The following REDIC1 variants were observed in gnomAD, a reference collection of about 807,000 sequenced individuals.
The protein encoded by REDIC1 is HEI10 Interacting Protein 1.
the REDIC1 span, among the ~76,000 whole-genome samples, chr12:39,901,328 A>C: frequency 6.6e-6 from 1 of 152,014 alleles, no homozygotes; most frequent in African/African-American, 2.4e-5. Flanking sequence ...AACAAAAGCC[A>C]AAATTGACAA....
the REDIC1 span, among the ~76,000 whole-genome samples, chr12:39,655,771 A>T: frequency 6.6e-6 from 1 of 152,164 alleles, no homozygotes; most frequent in Admixed American, 6.5e-5. Context: ...GCTCCAGGCT[A>T]TAACTGTATG....
the REDIC1 span, chr12:39,764,815 C>T: frequency 1.7e-5 from 28 of 1,612,370 alleles, no homozygotes; most frequent in Middle Eastern, 6.6e-4. Flanking sequence ...AAATTGTAAG[C>T]CCAAAATATA....
chr12:39,898,081 C>G, the REDIC1 span, among the ~76,000 whole-genome samples: 1 of 150,268 alleles, frequency 6.7e-6, no homozygotes, highest in African/African-American at 2.5e-5. Flanking sequence ...GCAAACAATC[C>G]GTTGTTGGGA....
At chr12:39,711,243 G>A in the REDIC1 span, among the ~76,000 whole-genome samples, 2 of 149,142 alleles carry the variant, frequency 1.3e-5, no homozygotes, top group Non-Finnish European at 3.0e-5. Flanking sequence ...ATATATATGT[G>A]ATGTGTATAT....
At chr12:39,837,509 G>T in the REDIC1 span, among the ~76,000 whole-genome samples, 1,350 of 139,938 alleles carry the variant, frequency 9.6e-3, 19 homozygotes, top group African/African-American at 0.033. Context: ...TTAAACTAAA[G>T]AGCTTCTGCA....
the REDIC1 span, among the ~76,000 whole-genome samples, chr12:39,711,409 G>A: frequency 1.4e-5 from 2 of 138,202 alleles, no homozygotes; most frequent in Admixed American, 7.3e-5. Context: ...ACACATAGAT[G>A]TATATATGTA....
At chr12:39,675,664 A>G in the REDIC1 span, among the ~76,000 whole-genome samples, 174 of 152,350 alleles carry the variant, frequency 1.1e-3, no homozygotes, top group African/African-American at 4.1e-3. Context: ...AAACCAGTGC[A>G]TTAAAAACTA....
chr12:39,880,714 C>A, the REDIC1 span, among the ~76,000 whole-genome samples: 1 of 152,128 alleles, frequency 6.6e-6, no homozygotes, highest in African/African-American at 2.4e-5. Context: ...GCCAATGTTG[C>A]CAATGTGACC....
the REDIC1 span, among the ~76,000 whole-genome samples, chr12:39,751,876 G>C: frequency 3.0e-4 from 46 of 152,206 alleles, 1 homozygote; most frequent in East Asian, 8.7e-3. Flanking sequence ...CACAGGAAGG[G>C]GAACATCACA....
chr12:39,678,202 A>C, the REDIC1 span, among the ~76,000 whole-genome samples: 1 of 152,032 alleles, frequency 6.6e-6, no homozygotes, highest in Non-Finnish European at 1.5e-5. Flanking sequence ...TAGCAAGATT[A>C]ACAAAGAATA....
the REDIC1 span, among the ~76,000 whole-genome samples, chr12:39,825,575 A>C: frequency 3.3e-5 from 5 of 152,116 alleles, no homozygotes. Flanking sequence ...TTTTTTCTTG[A>C]AAACTGTCCA....
chr12:39,905,089 A>T, the REDIC1 span, among the ~76,000 whole-genome samples: 1 of 152,154 alleles, frequency 6.6e-6, no homozygotes, highest in Admixed American at 6.6e-5. Context: ...ACAGAATGAG[A>T]CTTCTGTTCA....
the REDIC1 span, among the ~76,000 whole-genome samples, chr12:39,691,680 C>G: frequency 6.6e-6 from 1 of 152,020 alleles, no homozygotes; most frequent in Non-Finnish European, 1.5e-5. Context: ...TTTAAAAAAC[C>G]TGATAATAAA....
the REDIC1 span, among the ~76,000 whole-genome samples, chr12:39,727,938 G>T: frequency 2.6e-5 from 4 of 152,112 alleles, no homozygotes; most frequent in Non-Finnish European, 5.9e-5. Flanking sequence ...GTTCACTCAT[G>T]ATTTGACTCT....
the REDIC1 span, among the ~76,000 whole-genome samples, chr12:39,654,446 G>A: frequency 3.9e-5 from 6 of 152,160 alleles, no homozygotes; most frequent in East Asian, 3.9e-4. Flanking sequence ...AAATTAGTCC[G>A]GTGTGGTGGC....
At chr12:39,649,398 T>C in the REDIC1 span, among the ~76,000 whole-genome samples, 2 of 151,872 alleles carry the variant, frequency 1.3e-5, no homozygotes, top group East Asian at 3.9e-4. Context: ...AGTAGTATTG[T>C]CGAATATATA....
At chr12:39,883,245 T>C in the REDIC1 span, among the ~76,000 whole-genome samples, 1 of 152,072 alleles carries the variant, frequency 6.6e-6, no homozygotes. Context: ...GAGTAGGATG[T>C]AAAGGAAAGG....
chr12:39,782,033 T>A, the REDIC1 span, among the ~76,000 whole-genome samples: 1 of 152,350 alleles, frequency 6.6e-6, no homozygotes, highest in East Asian at 1.9e-4. Flanking sequence ...GGATTCTAGA[T>A]GGGCTTGTAC....
the REDIC1 span, among the ~76,000 whole-genome samples, chr12:39,674,630 T>G: frequency 1.8e-3 from 277 of 152,198 alleles, no homozygotes; most frequent in African/African-American, 6.1e-3. Context: ...GAACCAGAAA[T>G]CCAGATCATG....
Sources: gnomAD v4.1 joint callset for allele counts (sites outside exome capture counted in the v4.1 genomes callset) on GRCh38, gnomAD v4.1.1 for gene constraint, MANE v1.5 for transcripts, NCBI Gene and HGNC (gene_info 2026-07-23, HGNC 2026-07-21) for gene names.